LARP4: variants seen among roughly 807,000 people sequenced by gnomAD.
LARP4 encodes la-related protein 4.
A neutral mutation model predicts 92.9 loss-of-function variants in LARP4; 29 were observed. That is an observed-to-expected ratio of 0.31 (90% CI 0.23 to 0.43). The LOEUF (loss-of-function observed/expected upper bound fraction) is 0.43, where lower values mean the gene tolerates loss of function less well. Among genes scored for constraint, LARP4 ranks in the 20% least tolerant of loss-of-function variants. The pLI is 1.00. For missense variants in LARP4, 732 were observed against 860.0 expected (o/e 0.85, Z 1.86); for synonymous variants, 279 against 284.1 (o/e 0.98, Z 0.18).
Position 50,462,641 on chromosome 12 carries a change from T to A in LARP4, c.1383+11T>A, listed in dbSNP as rs1338324213. 16 of 1,567,534 alleles carry A rather than the reference T, an allele frequency of 1.0e-5. No individual in the cohort carries two copies. Among genetic ancestry groups the A allele is most frequent in the African/African-American group, 4.1e-5 (3 of 73,482 alleles). On this transcript the variant is annotated intron_variant, in intron 12 of 15. Transcript: ENST00000398473. Reference sequence around the variant, plus strand: ...GATGACAGGATCTCAGTAAGTTTTTTAAAACTTTTATTCAGACTTTTTTCT... The same window carrying A: ...GATGACAGGATCTCAGTAAGTTTTTAAAAACTTTTATTCAGACTTTTTTCT...
rs973711402 is a variant in LARP4 at position 50,424,578 on chromosome 12, G to A, written c.19-3184G>A. The stretch of plus-strand genomic sequence containing the variant: ...TCTCCATGTTGGTCAGGCTGGTCTC[G>A]AACTCCCGACCTCAGGTGATCCACC... On this transcript the variant is annotated intron_variant, in intron 1 of 15. Coordinates refer to ENST00000398473, the MANE Select transcript of LARP4 (RefSeq NM_052879.5). 6.6e-5 allele frequency among the ~76,000 whole-genome samples: 10 copies of A among 151,860 alleles called. No homozygotes were observed. In the South Asian group the frequency reaches 1.7e-3, roughly 25 times the overall value.
At chr12:50,443,414 G>C (rs946559599) in intron 8 of LARP4, among the ~76,000 whole-genome samples, 5 of 151,980 alleles carry the variant, frequency 3.3e-5, no homozygotes, top group Non-Finnish European at 5.9e-5. Context: ...GGGACCACAG[G>C]TGCACACCAT....
chr12:50,417,987 A>G (rs1947128509), intron 1 of LARP4, among the ~76,000 whole-genome samples: 2 of 152,192 alleles, frequency 1.3e-5, no homozygotes, highest in South Asian at 2.1e-4. Flanking sequence ...CAGCCTCCCA[A>G]GTACCTGGGA....
intron 8 of LARP4, among the ~76,000 whole-genome samples, chr12:50,443,717 TTC>T (rs1951593455): frequency 6.6e-6 from 1 of 152,172 alleles, no homozygotes; most frequent in Non-Finnish European, 1.5e-5. Flanking sequence ...GTTCAAGCGA[TTC>T]TCCTGCCTCA....
intron 4 of LARP4, among the ~76,000 whole-genome samples, chr12:50,431,536 A>G (rs921031894): frequency 2.0e-5 from 3 of 152,196 alleles, no homozygotes; most frequent in Non-Finnish European, 2.9e-5. Flanking sequence ...AAACATTTGG[A>G]GAAGTCTTAT....
At chr12:50,407,257 C>G (rs1945023771) in intron 1 of LARP4, among the ~76,000 whole-genome samples, 1 of 152,090 alleles carries the variant, frequency 6.6e-6, no homozygotes, top group African/African-American at 2.4e-5. Flanking sequence ...AACTCCTGAC[C>G]TTGTGATCCA....
chr12:50,433,188 G>A (rs904223557), intron 4 of LARP4, among the ~76,000 whole-genome samples: 1 of 151,846 alleles, frequency 6.6e-6, no homozygotes, highest in Non-Finnish European at 1.5e-5. Flanking sequence ...AATGCTCTCA[G>A]GAAGGAAAGA....
At chr12:50,440,373 A>G (rs1951026077) in intron 6 of LARP4, 66 bp from the exon 7 acceptor site, 4 of 1,180,810 alleles carry the variant, frequency 3.4e-6, no homozygotes, top group African/African-American at 1.5e-5. Flanking sequence ...CTAGTAAACA[A>G]ACCAACAAAA....
intron 3 of LARP4, among the ~76,000 whole-genome samples, chr12:50,429,665 G>A (rs1007488639): frequency 1.3e-5 from 2 of 152,186 alleles, no homozygotes; most frequent in Non-Finnish European, 2.9e-5. Context: ...TTGAGAGGGA[G>A]TCTCGCTCTG....
intron 8 of LARP4, 35 bp downstream of exon 8, chr12:50,441,678 G>T: frequency 6.8e-7 from 1 of 1,475,634 alleles, no homozygotes; most frequent in African/African-American, 1.4e-5. Context: ...ACCAGAACAG[G>T]TTTTGGTTCT....
intron 6 of LARP4, among the ~76,000 whole-genome samples, chr12:50,439,094 T>C (rs931594791): frequency 3.3e-5 from 5 of 152,172 alleles, no homozygotes; most frequent in African/African-American, 1.2e-4. Context: ...CATGCCACCA[T>C]GCCTGGCTAA....
intron 12 of LARP4, among the ~76,000 whole-genome samples, chr12:50,466,334 G>A (rs1956144783): frequency 6.6e-6 from 1 of 152,028 alleles, no homozygotes; most frequent in African/African-American, 2.4e-5. Context: ...ATGGTGATGG[G>A]CGGGCACAGT....
At chr12:50,422,682 AT>A (rs1948000899) in intron 1 of LARP4, among the ~76,000 whole-genome samples, 1 of 151,676 alleles carries the variant, frequency 6.6e-6, no homozygotes, top group African/African-American at 2.4e-5. Flanking sequence ...ATTTCTTAGC[AT>A]TCATAAATAA....
intron 1 of LARP4, chr12:50,421,145 C>A: frequency 1.1e-5 from 2 of 188,286 alleles, no homozygotes; most frequent in Non-Finnish European, 1.9e-5. Flanking sequence ...GAGACGGTTT[C>A]GCTGTATGTT....
At chr12:50,470,654 G>T in intron 13 of LARP4, among the ~76,000 whole-genome samples, 1 of 152,088 alleles carries the variant, frequency 6.6e-6, no homozygotes, top group Middle Eastern at 3.4e-3. Context: ...GGGTGGTCTC[G>T]AACTCCTGAC....
chr12:50,449,648 G>A (rs905705743), intron 8 of LARP4, among the ~76,000 whole-genome samples: 30 of 152,186 alleles, frequency 2.0e-4, no homozygotes, highest in Admixed American at 1.2e-3. Flanking sequence ...TAATTCATTA[G>A]AGATTGCTAA....
chr12:50,420,344 TG>T (rs1356561835), intron 1 of LARP4, among the ~76,000 whole-genome samples: 1 of 152,116 alleles, frequency 6.6e-6, no homozygotes, highest in African/African-American at 2.4e-5. Flanking sequence ...TAGGAAAACT[TG>T]ATACATGGAA....
chr12:50,411,923 T>A (rs1945979179), intron 1 of LARP4, among the ~76,000 whole-genome samples: 1 of 152,170 alleles, frequency 6.6e-6, no homozygotes, highest in Non-Finnish European at 1.5e-5. Flanking sequence ...CCTCAGGTGA[T>A]CCACCCGCCT....
chr12:50,438,826 CT>C (rs1358774959), intron 6 of LARP4, among the ~76,000 whole-genome samples: 1 of 152,192 alleles, frequency 6.6e-6, no homozygotes, highest in Non-Finnish European at 1.5e-5. Flanking sequence ...TTCATAATCA[CT>C]GTGCCACAGA....
Sources: allele counts gnomAD v4.1 joint callset (sites outside exome capture counted in the v4.1 genomes callset), GRCh38; gene constraint gnomAD v4.1.1; transcripts MANE v1.5; gene names NCBI Gene and HGNC (gene_info 2026-07-23, HGNC 2026-07-21).